Variants in MEAK7 observed in about 807,000 individuals in gnomAD.
MEAK7 encodes MTOR-associated protein MEAK7.
In MEAK7, 68 loss-of-function variants were observed where a neutral mutation model predicts 40.5. The observed-to-expected ratio is 1.68, with a 90% confidence interval of 1.38 to 2.06. The LOEUF (loss-of-function observed/expected upper bound fraction) is 2.06, where lower values mean the gene tolerates loss of function less well. MEAK7 is among the 30% of genes most tolerant of loss of function. The pLI is 0.00. For missense variants in MEAK7, 918 were observed against 580.5 expected (o/e 1.58, Z -5.98); for synonymous variants, 338 against 231.9 (o/e 1.46, Z -4.16).
chr16:84,481,813 G>A (rs535995549), intron 6 of MEAK7, among the ~76,000 whole-genome samples: 10 of 152,196 alleles, frequency 6.6e-5, no homozygotes, highest in South Asian at 6.2e-4. Context: ...GGGTGCCTGT[G>A]GTCCCAGCTA....
At chr16:84,482,327 G>T (rs926286872) in intron 6 of MEAK7, among the ~76,000 whole-genome samples, 3 of 152,188 alleles carry the variant, frequency 2.0e-5, no homozygotes, top group African/African-American at 7.2e-5. Context: ...ATCATCTGAG[G>T]GCCAGAAAAA....
intron 5 of MEAK7, among the ~76,000 whole-genome samples, chr16:84,484,606 C>T (rs1414060603): frequency 6.6e-6 from 1 of 152,194 alleles, no homozygotes; most frequent in African/African-American, 2.4e-5. Flanking sequence ...AAAAGGTTTA[C>T]GAAGCCACAT....
At chr16:84,494,796 A>C in intron 3 of MEAK7, 2 of 455,754 alleles carry the variant, frequency 4.4e-6, no homozygotes, top group South Asian at 3.1e-5. Context: ...AAGCCCTGAG[A>C]CTCATTTTCC....
intron 1 of MEAK7, among the ~76,000 whole-genome samples, chr16:84,500,673 T>G (rs1038046511): frequency 5.3e-5 from 8 of 152,072 alleles, no homozygotes; most frequent in Non-Finnish European, 1.2e-4. Context: ...TCCTCACGTT[T>G]CGCAGCAGCA....
At chr16:84,486,420 G>T in intron 5 of MEAK7, 1 of 1,358,102 alleles carries the variant, frequency 7.4e-7, no homozygotes, top group Non-Finnish European at 9.4e-7. Flanking sequence ...GTCCTCGCCT[G>T]AAAACTGGGG....
Position 84,478,558 on chromosome 16 carries a change from T to A in MEAK7, c.*1355A>T, listed in dbSNP as rs149675680. On this transcript the variant is annotated 3_prime_UTR_variant, in exon 8 of 8. Transcript: ENST00000343629. ...AAAAGACAAAAGGAAGAGGTATATA[T>A]CTTAGAGACAAGCTCACAGCACCTT... The A allele has an allele frequency of 6.6e-6, 1 of 152,212 alleles. No individual in the cohort carries two copies. The allele number at this position is 152,212 out of a possible 1,614,324, so 9.4% of individuals were successfully genotyped here. A position where few individuals can be genotyped will look rare whatever the true frequency, so the allele number is the denominator to read the frequency against.
chr16:84,480,267 G>A (rs1912409568), intron 7 of MEAK7, among the ~76,000 whole-genome samples: 1 of 152,094 alleles, frequency 6.6e-6, no homozygotes, highest in Admixed American at 6.5e-5. Context: ...CCTCTTGCAG[G>A]TGGGCAGAGA....
intron 1 of MEAK7, among the ~76,000 whole-genome samples, chr16:84,502,348 A>G (rs978147724): frequency 6.6e-6 from 1 of 151,954 alleles, no homozygotes; most frequent in Admixed American, 6.6e-5. Context: ...TAAAAATCCT[A>G]CAGTGCACAG....
Position 84,489,368 on chromosome 16 carries a change from G to A in MEAK7, c.439C>T (p.Leu147=). The change falls in exon 4 of 8, where the codon CTG becomes TTG. Residue 147 remains leucine (L), a synonymous_variant. Coordinates refer to ENST00000343629, the MANE Select transcript of MEAK7 (RefSeq NM_020947.4). ...VVHVLSHRQE[L]RGWTGKEAPG... ...GCTTCCTTCCCAGTCCAGCCTCTCA[G>A]CTCCTGTCTGTGGCTTAGCACGTGC... 2 of 1,614,172 alleles carry A rather than the reference G, an allele frequency of 1.2e-6. No individual in the cohort carries two copies. The highest frequency in any genetic ancestry group is 8.5e-7 in the Non-Finnish European group (1 of 1,180,008).
Position 84,486,660 on chromosome 16 carries a change from C to A in MEAK7, c.929G>T (p.Cys310Phe). The change falls in exon 5 of 8, where the codon TGC becomes TTC. Residue 310 changes from cysteine to phenylalanine, a missense_variant. Cys to Phe is a radical substitution (Grantham distance 205). Transcript: ENST00000343629. ...AAACTGAGGCTTCACCTCCCAAGAG[C>A]AAGAGGCAAACCCACCGAACACATG... The part of the protein sequence containing the change: ...DKHVFGGFAS[C>F]SWEVKPQFQG... 1.2e-6 allele frequency: 2 copies of A among 1,611,810 alleles called. No individual in the cohort carries two copies. The highest frequency in any genetic ancestry group is 1.1e-5 in the South Asian group (1 of 90,762).
At chr16:84,480,434 G>T (rs983078337) in intron 7 of MEAK7, 95 bp downstream of exon 7, 32 of 1,394,884 alleles carry the variant, frequency 2.3e-5, no homozygotes, top group Non-Finnish European at 3.1e-5. Flanking sequence ...TAAACTATCT[G>T]CAGACAGAAG....
intron 6 of MEAK7, among the ~76,000 whole-genome samples, chr16:84,480,927 G>A (rs1264003935): frequency 3.3e-5 from 5 of 152,196 alleles, no homozygotes; most frequent in African/African-American, 1.2e-4. Flanking sequence ...TATGTCTCCA[G>A]ACACCCACCC....
At chr16:84,497,888 G>T in intron 2 of MEAK7, 46 bp downstream of exon 2, 1 of 1,610,674 alleles carries the variant, frequency 6.2e-7, no homozygotes, top group Non-Finnish European at 8.5e-7. Flanking sequence ...ACAGTTTGCA[G>T]ACCCCTGCTC....
intron 3 of MEAK7, 198 bp downstream of exon 3, chr16:84,495,485 A>G: frequency 1.7e-6 from 1 of 595,186 alleles, no homozygotes. Context: ...AAGCCCTCAA[A>G]ATCATCTTTG....
At chr16:84,488,613 T>C (rs1200335879) in intron 4 of MEAK7, among the ~76,000 whole-genome samples, 1 of 152,108 alleles carries the variant, frequency 6.6e-6, no homozygotes, top group Non-Finnish European at 1.5e-5. Context: ...TAATGAAATA[T>C]AATCAAAAAT....
At chr16:84,487,148 C>A (rs1470249260) in intron 4 of MEAK7, 89 bp from the exon 5 acceptor site, 3 of 1,298,756 alleles carry the variant, frequency 2.3e-6, no homozygotes, top group South Asian at 1.7e-5. Context: ...GTGGGAGCCA[C>A]GAGTCACATG....
chr16:84,484,155 G>A (rs796320717), intron 5 of MEAK7, among the ~76,000 whole-genome samples: 2 of 152,348 alleles, frequency 1.3e-5, no homozygotes, highest in African/African-American at 4.8e-5. Context: ...GGCCTCAGCT[G>A]CGATAGGCCC....
At chr16:84,494,025 G>T (rs8054449) in intron 3 of MEAK7, among the ~76,000 whole-genome samples, 217 of 152,168 alleles carry the variant, frequency 1.4e-3, no homozygotes, top group African/African-American at 4.8e-3. Flanking sequence ...GGAGCTTTTA[G>T]AAAGGTCTAA....
At chr16:84,482,793 T>TTA in intron 5 of MEAK7, 83 bp from the exon 6 acceptor site, 2 of 1,571,294 alleles carry the variant, frequency 1.3e-6, no homozygotes, top group Non-Finnish European at 1.7e-6. Context: ...AAGCTGCAGC[T>TTA]CAGGAAGCAA....
Sources: gnomAD v4.1 joint callset for allele counts (sites outside exome capture counted in the v4.1 genomes callset) on GRCh38, gnomAD v4.1.1 for gene constraint, MANE v1.5 for transcripts, NCBI Gene and HGNC (gene_info 2026-07-23, HGNC 2026-07-21) for gene names.